HECW2: variants seen among roughly 807,000 people sequenced by gnomAD.
HECW2 encodes the protein E3 ubiquitin-protein ligase HECW2.
A neutral mutation model predicts 175.2 loss-of-function variants in HECW2; 61 were observed. The ratio of observed to expected loss-of-function variants is 0.35; its 90% CI spans 0.28 to 0.43. HECW2 has a LOEUF of 0.43. Ranked by LOEUF, HECW2 falls within the 20% of genes least tolerant of loss-of-function variation. The probability of loss-of-function intolerance (pLI) is 1.00; values close to 1 mark genes in which losing one functional copy is unlikely to be tolerated. For missense variants in HECW2, 1,524 were observed against 2,000.5 expected, an observed-to-expected ratio of 0.76 and a Z score of 4.54; for synonymous variants, 671 against 731.0, an observed-to-expected ratio of 0.92 and a Z score of 1.32.
intron 2 of HECW2, among the ~76,000 whole-genome samples, chr2:196,413,496 C>T (rs932581481): frequency 2.0e-4 from 30 of 152,142 alleles, no homozygotes; most frequent in Admixed American, 2.0e-3. Context: ...CAGGCACGCA[C>T]CACCATGCCC....
At chr2:196,527,550 C>T (rs1688710973) in intron 1 of HECW2, among the ~76,000 whole-genome samples, 2 of 152,196 alleles carry the variant, frequency 1.3e-5, no homozygotes, top group Admixed American at 1.3e-4. Flanking sequence ...AATGGGCTTG[C>T]CCAAGCTCAA....
intron 13 of HECW2, among the ~76,000 whole-genome samples, chr2:196,300,740 G>T (rs1371965327): frequency 6.6e-6 from 1 of 151,540 alleles, no homozygotes; most frequent in African/African-American, 2.4e-5. Context: ...TTTATACACA[G>T]ACATATATGT....
chr2:196,574,089 C>T (rs1307700451), intron 1 of HECW2, among the ~76,000 whole-genome samples: 1 of 151,944 alleles, frequency 6.6e-6, no homozygotes, highest in East Asian at 1.9e-4. Context: ...AACAAACTAG[C>T]CAAAAAGGAA....
intron 2 of HECW2, among the ~76,000 whole-genome samples, chr2:196,366,390 A>G (rs1341474701): frequency 6.6e-6 from 1 of 152,210 alleles, no homozygotes; most frequent in Non-Finnish European, 1.5e-5. Flanking sequence ...TACCTCTAGG[A>G]ATGTCCATTC....
intron 2 of HECW2, among the ~76,000 whole-genome samples, chr2:196,394,696 G>C (rs1199067406): frequency 6.6e-6 from 1 of 152,116 alleles, no homozygotes; most frequent in Non-Finnish European, 1.5e-5. Context: ...CTCTGAGAAA[G>C]AAAAATGGCT....
chr2:196,486,960 G>A (rs767110212), intron 1 of HECW2, among the ~76,000 whole-genome samples: 6 of 151,906 alleles, frequency 3.9e-5, no homozygotes, highest in Non-Finnish European at 8.8e-5. Flanking sequence ...ATAGTGAGAC[G>A]CTGTCACTAC....
intron 2 of HECW2, among the ~76,000 whole-genome samples, chr2:196,399,083 G>GC (rs1298204661): frequency 1.1e-4 from 16 of 152,162 alleles, no homozygotes; most frequent in African/African-American, 3.9e-4. Context: ...TGACATATTG[G>GC]CCCCCAAAAT....
intron 4 of HECW2, 32 bp downstream of exon 4, chr2:196,334,392 T>C (rs1692474212): frequency 6.5e-7 from 1 of 1,530,972 alleles, no homozygotes; most frequent in Non-Finnish European, 8.9e-7. Context: ...AGCATGGATC[T>C]CACAAGGAAG....
At chr2:196,498,578 T>C (rs1687473049) in intron 1 of HECW2, among the ~76,000 whole-genome samples, 1 of 152,220 alleles carries the variant, frequency 6.6e-6, no homozygotes, top group South Asian at 2.1e-4. Flanking sequence ...TAGTTTACAA[T>C]TTAACTTTAA....
chr2:196,549,117 C>T (rs1325151880), intron 1 of HECW2, among the ~76,000 whole-genome samples: 4 of 152,160 alleles, frequency 2.6e-5, no homozygotes, highest in Non-Finnish European at 5.9e-5. Context: ...CTATGATAGT[C>T]ATTTTATCCT....
At chr2:196,237,625 C>T (rs1428365298) in intron 21 of HECW2, among the ~76,000 whole-genome samples, 1 of 152,138 alleles carries the variant, frequency 6.6e-6, no homozygotes, top group Non-Finnish European at 1.5e-5. Context: ...CCATATTTTG[C>T]AAAAGATATT....
chr2:196,575,561 G>C (rs1378618772), intron 1 of HECW2, among the ~76,000 whole-genome samples: 1 of 152,062 alleles, frequency 6.6e-6, no homozygotes, highest in Non-Finnish European at 1.5e-5. Flanking sequence ...TATGTATATA[G>C]ATATATACAC....
At chr2:196,488,045 G>A (rs369097886) in intron 1 of HECW2, among the ~76,000 whole-genome samples, 37 of 152,180 alleles carry the variant, frequency 2.4e-4, no homozygotes, top group African/African-American at 7.7e-4. Flanking sequence ...CACTTACTGT[G>A]CTTCCTTTTT....
At chr2:196,426,735 T>C (rs551934939) in intron 2 of HECW2, among the ~76,000 whole-genome samples, 1 of 152,258 alleles carries the variant, frequency 6.6e-6, no homozygotes, top group Admixed American at 6.5e-5. Flanking sequence ...CATAGGACAC[T>C]GAAGTTCCAG....
intron 1 of HECW2, among the ~76,000 whole-genome samples, chr2:196,520,083 C>A (rs1478547157): frequency 6.6e-6 from 1 of 152,072 alleles, no homozygotes; most frequent in Non-Finnish European, 1.5e-5. Context: ...GATTCTAGAA[C>A]TGAAAAAGGG....
In HECW2 at chr2:196,255,879, C is replaced by A. The variant is rs1209823735; in HGVS notation, c.3420-1850G>T. Reference sequence around the variant, plus strand: ...CCTGAGCTCAGGAGTTCTTGTCCAGCCTGGGCAACACGGTGAAACCCCGTC... The same window carrying A: ...CCTGAGCTCAGGAGTTCTTGTCCAGACTGGGCAACACGGTGAAACCCCGTC... On this transcript the variant is annotated intron_variant, in intron 18 of 28. Coordinates refer to ENST00000644978, the MANE Select transcript of HECW2 (RefSeq NM_001348768.2). 2.0e-5 allele frequency among the ~76,000 whole-genome samples: 3 copies of A among 152,176 alleles called. No individual in the cohort carries two copies. The East Asian group carries it at 5.8e-4, about 29-fold the overall frequency.
intron 13 of HECW2, among the ~76,000 whole-genome samples, chr2:196,296,392 T>G (rs980023254): frequency 6.6e-6 from 1 of 152,160 alleles, no homozygotes; most frequent in Non-Finnish European, 1.5e-5. Flanking sequence ...GTAAAGTAAT[T>G]TGAAAAGGTC....
chr2:196,369,247 C>T (rs1211209703), intron 2 of HECW2, among the ~76,000 whole-genome samples: 1 of 152,050 alleles, frequency 6.6e-6, no homozygotes, highest in Admixed American at 6.6e-5. Context: ...CCTATAGGTA[C>T]CACCTTGGTA....
intron 10 of HECW2, among the ~76,000 whole-genome samples, chr2:196,315,595 AG>A (rs1242529429): frequency 6.6e-6 from 1 of 152,198 alleles, no homozygotes; most frequent in Non-Finnish European, 1.5e-5. Flanking sequence ...TGAGTCACTA[AG>A]TTGCCTTTAC....
Sources: allele counts gnomAD v4.1 joint callset (sites outside exome capture counted in the v4.1 genomes callset), GRCh38; gene constraint gnomAD v4.1.1; transcripts MANE v1.5; gene names NCBI Gene and HGNC (gene_info 2026-07-23, HGNC 2026-07-21).